The following SPATA31F3 variants were observed in gnomAD, a reference collection of about 807,000 sequenced individuals.
The protein encoded by SPATA31F3 is SPATA31 subfamily F member 3, also known as protein SPATA31F3.
chr9:34,892,538 G>T, the SPATA31F3 span: 31 of 413,784 alleles, frequency 7.5e-5, no homozygotes, highest in Non-Finnish European at 1.1e-4. Context: ...AGATTCCTCA[G>T]GACTTTTTGG....
At chr9:34,889,152 G>A in the SPATA31F3 span, 11 of 398,502 alleles carry the variant, frequency 2.8e-5, no homozygotes, top group East Asian at 3.6e-4. Flanking sequence ...TTTTTCAGGG[G>A]ATTGCAGAGG....
the SPATA31F3 span, among the ~76,000 whole-genome samples, chr9:34,895,292 G>A: frequency 1.3e-5 from 2 of 152,078 alleles, no homozygotes; most frequent in African/African-American, 4.8e-5. Context: ...CATACTCCAT[G>A]CCTCCCACCC....
chr9:34,889,119 T>C, the SPATA31F3 span: 3 of 398,482 alleles, frequency 7.5e-6, no homozygotes. Flanking sequence ...ACCTGCATGT[T>C]AATGGAAATG....
At chr9:34,895,470 G>A in the SPATA31F3 span, 1 of 397,794 alleles carries the variant, frequency 2.5e-6, no homozygotes, top group Non-Finnish European at 4.4e-6. Context: ...CTGGTGTCCA[G>A]TGAGGAGACC....
the SPATA31F3 span, among the ~76,000 whole-genome samples, chr9:34,889,986 G>T: frequency 3.3e-5 from 5 of 152,142 alleles, no homozygotes; most frequent in African/African-American, 9.7e-5. Flanking sequence ...AGTAATCCTG[G>T]AGGATGCTCT....
the SPATA31F3 span, among the ~76,000 whole-genome samples, chr9:34,893,586 A>G: frequency 6.6e-6 from 1 of 151,538 alleles, no homozygotes; most frequent in Non-Finnish European, 1.5e-5. Flanking sequence ...GGGCAACAAG[A>G]GTGAAACTCT....
the SPATA31F3 span, chr9:34,895,594 G>A: frequency 3.0e-5 from 12 of 398,800 alleles, no homozygotes; most frequent in Non-Finnish European, 4.9e-5. Context: ...AACAGCTCCT[G>A]TTAGGTACCA....
At chr9:34,892,568 A>G in the SPATA31F3 span, 1 of 421,428 alleles carries the variant, frequency 2.4e-6, no homozygotes, top group Non-Finnish European at 4.2e-6. Context: ...TAGCAGTTGG[A>G]AAGGAATGTA....
chr9:34,892,890 G>A, the SPATA31F3 span: 14 of 699,704 alleles, frequency 2.0e-5, no homozygotes, highest in Admixed American at 2.4e-4. Flanking sequence ...AATTGTGACA[G>A]TGTTGGAGTT....
At chr9:34,892,920 C>G in the SPATA31F3 span, 40 of 686,302 alleles carry the variant, frequency 5.8e-5, no homozygotes, top group African/African-American at 4.4e-4. Context: ...AGTGAAAGCT[C>G]TTTGGATTTC....
the SPATA31F3 span, chr9:34,889,704 G>A: frequency 2.5e-6 from 1 of 398,066 alleles, no homozygotes; most frequent in Middle Eastern, 6.3e-4. Flanking sequence ...GCCCTAGAAA[G>A]TGTGGCCCTG....
chr9:34,893,234 C>T, the SPATA31F3 span: 1 of 445,300 alleles, frequency 2.2e-6, no homozygotes, highest in Non-Finnish European at 4.0e-6. Context: ...TTGGCATTGT[C>T]CTTTCCCAGT....
the SPATA31F3 span, chr9:34,893,205 G>A: frequency 1.1e-5 from 5 of 472,490 alleles, no homozygotes; most frequent in Admixed American, 3.5e-5. Context: ...CTGCCTTCTC[G>A]GAAAAGTGTG....
the SPATA31F3 span, among the ~76,000 whole-genome samples, chr9:34,890,555 C>T: frequency 3.3e-5 from 5 of 152,178 alleles, no homozygotes; most frequent in East Asian, 1.9e-4. Context: ...TTTAGTTCAA[C>T]GGCAAGCTGT....
At chr9:34,895,587 A>G in the SPATA31F3 span, 1 of 398,848 alleles carries the variant, frequency 2.5e-6, no homozygotes, top group African/African-American at 2.1e-5. Context: ...ACCCGGCAAC[A>G]GCTCCTGTTA....
At chr9:34,890,530 C>T in the SPATA31F3 span, among the ~76,000 whole-genome samples, 1 of 152,204 alleles carries the variant, frequency 6.6e-6, no homozygotes, top group Non-Finnish European at 1.5e-5. Context: ...TCACTTGTAG[C>T]TCTGCTGCAC....
chr9:34,895,660 GATGGATCCATAGGTGTAT>G, the SPATA31F3 span: 1 of 403,084 alleles, frequency 2.5e-6, no homozygotes, highest in South Asian at 1.3e-4. Context: ...CAATAATGCA[GATGGATCCATAGGTGTAT>G]AAGGGATATC....
chr9:34,893,131 T>G, the SPATA31F3 span: 1 of 772,388 alleles, frequency 1.3e-6, no homozygotes, highest in Non-Finnish European at 1.9e-6. Context: ...GCACACTTCC[T>G]TCCTGAGGAA....
At chr9:34,895,715 C>T in the SPATA31F3 span, 1 of 404,708 alleles carries the variant, frequency 2.5e-6, no homozygotes, top group Non-Finnish European at 4.4e-6. Flanking sequence ...AAAGGTAGGG[C>T]TCAACATGAT....
Sources: gnomAD v4.1 joint callset for allele counts (sites outside exome capture counted in the v4.1 genomes callset) on GRCh38, gnomAD v4.1.1 for gene constraint, MANE v1.5 for transcripts, NCBI Gene and HGNC (gene_info 2026-07-23, HGNC 2026-07-21) for gene names.